The following ST18 variants were observed in gnomAD, a reference collection of about 807,000 sequenced individuals.
ST18 encodes ST18 C2H2C-type zinc finger transcription factor.
Under a neutral mutation model 110.0 loss-of-function variants are expected in ST18, and 50 were observed. The ratio of observed to expected loss-of-function variants is 0.45; its 90% CI spans 0.36 to 0.58. The LOEUF (loss-of-function observed/expected upper bound fraction) is 0.58, where lower values mean the gene tolerates loss of function less well. ST18 is among the 20% of genes least tolerant of loss of function. The pLI is 0.00. For missense variants in ST18, 1,306 were observed against 1,280.1 expected, an observed-to-expected ratio of 1.02 and a Z score of -0.31; for synonymous variants, 461 against 452.4, an observed-to-expected ratio of 1.02 and a Z score of -0.24.
At chr8:52,382,422 G>A (rs1343596973) in intron 2 of ST18, among the ~76,000 whole-genome samples, 1 of 152,212 alleles carries the variant, frequency 6.6e-6, no homozygotes, top group Non-Finnish European at 1.5e-5. Flanking sequence ...GTTAAGTGGT[G>A]GGATGTTCAG....
intron 8 of ST18, among the ~76,000 whole-genome samples, chr8:52,211,408 A>G (rs1201455013): frequency 6.8e-6 from 1 of 147,446 alleles, no homozygotes. Context: ...TATTATTATT[A>G]TTATTATTAT....
chr8:52,113,982 TTTTTG>T (rs1348276557), intron 25 of ST18, among the ~76,000 whole-genome samples: 2 of 101,856 alleles, frequency 2.0e-5, no homozygotes, highest in African/African-American at 8.8e-5. Context: ...TTTTTTTTTT[TTTTTG>T]GAGTCAGAGT....
chr8:52,203,492 T>C (rs1467343104), intron 8 of ST18, among the ~76,000 whole-genome samples: 1 of 152,154 alleles, frequency 6.6e-6, no homozygotes, highest in Admixed American at 6.5e-5. Context: ...GCACATGATA[T>C]TTGGATTGTA....
At chr8:52,189,832 C>G (rs1423421079) in intron 8 of ST18, among the ~76,000 whole-genome samples, 2 of 152,154 alleles carry the variant, frequency 1.3e-5, no homozygotes, top group African/African-American at 4.8e-5. Flanking sequence ...CTTCACAAAT[C>G]TTTCTCATGG....
At chr8:52,267,794 C>T (rs2094924402) in intron 2 of ST18, among the ~76,000 whole-genome samples, 1 of 152,200 alleles carries the variant, frequency 6.6e-6, no homozygotes, top group Non-Finnish European at 1.5e-5. Flanking sequence ...CCCATGGCTG[C>T]CAGGCTTGGT....
intron 2 of ST18, among the ~76,000 whole-genome samples, chr8:52,324,430 G>A (rs2139962850): frequency 6.6e-6 from 1 of 151,992 alleles, no homozygotes; most frequent in East Asian, 1.9e-4. Context: ...GGGGACTAAA[G>A]GAATGCTATG....
intron 15 of ST18, among the ~76,000 whole-genome samples, chr8:52,155,825 C>T (rs978433914): frequency 2.6e-5 from 4 of 152,158 alleles, no homozygotes; most frequent in African/African-American, 9.7e-5. Context: ...AGATTGCATA[C>T]AGCCAGTTAA....
intron 8 of ST18, among the ~76,000 whole-genome samples, chr8:52,188,122 T>C (rs2073090681): frequency 6.6e-6 from 1 of 152,222 alleles, no homozygotes; most frequent in Non-Finnish European, 1.5e-5. Context: ...AGTGTCTCTC[T>C]TCCTAGAGTT....
intron 5 of ST18, among the ~76,000 whole-genome samples, chr8:52,220,007 C>T (rs1471619434): frequency 6.6e-6 from 1 of 152,114 alleles, no homozygotes; most frequent in Non-Finnish European, 1.5e-5. Flanking sequence ...CCAATTTGTG[C>T]CAGGGATTTC....
chr8:52,239,649 T>C (rs950819764), intron 2 of ST18, among the ~76,000 whole-genome samples: 1 of 152,132 alleles, frequency 6.6e-6, no homozygotes, highest in Non-Finnish European at 1.5e-5. Flanking sequence ...AGAACAGACA[T>C]GTATCAGCTG....
intron 2 of ST18, among the ~76,000 whole-genome samples, chr8:52,391,287 G>A (rs932765412): frequency 5.9e-5 from 9 of 152,166 alleles, no homozygotes; most frequent in African/African-American, 2.2e-4. Flanking sequence ...AAAGCACTGT[G>A]CCAGACCAGA....
At chr8:52,369,835 C>T (rs1409824246) in intron 2 of ST18, among the ~76,000 whole-genome samples, 1 of 152,054 alleles carries the variant, frequency 6.6e-6, no homozygotes, top group East Asian at 1.9e-4. Context: ...AATTGCCATC[C>T]CTGCTTAAGG....
intron 17 of ST18, among the ~76,000 whole-genome samples, chr8:52,142,549 T>G (rs2055568229): frequency 6.6e-6 from 1 of 152,182 alleles, no homozygotes; most frequent in African/African-American, 2.4e-5. Context: ...CTTTAACCTC[T>G]TCTGGGCCTC....
At chr8:52,317,560 A>G (rs2096054736) in intron 2 of ST18, among the ~76,000 whole-genome samples, 1 of 152,188 alleles carries the variant, frequency 6.6e-6, no homozygotes, top group African/African-American at 2.4e-5. Flanking sequence ...GCCCTAGGAA[A>G]TTATTATATT....
At chr8:52,317,695 G>A (rs1241016460) in intron 2 of ST18, among the ~76,000 whole-genome samples, 2 of 152,030 alleles carry the variant, frequency 1.3e-5, no homozygotes, top group East Asian at 1.9e-4. Context: ...GTTTGTTTGT[G>A]TTTCAACTTT....
At chr8:52,230,831 CACCAACT>C (rs2091115328) in intron 2 of ST18, among the ~76,000 whole-genome samples, 1 of 151,798 alleles carries the variant, frequency 6.6e-6, no homozygotes, top group African/African-American at 2.4e-5. Context: ...TCACCAACTT[CACCAACT>C]CCACAGAAAG....
intron 2 of ST18, among the ~76,000 whole-genome samples, chr8:52,331,027 T>G (rs1809087442): frequency 6.6e-6 from 1 of 152,162 alleles, no homozygotes; most frequent in Non-Finnish European, 1.5e-5. Context: ...GTCCCCTGTG[T>G]GATTGGCTGC....
chr8:52,139,700 G>T (rs778226260), intron 17 of ST18, among the ~76,000 whole-genome samples: 2 of 148,392 alleles, frequency 1.3e-5, no homozygotes, highest in Non-Finnish European at 3.0e-5. Context: ...GCCAGGAGAA[G>T]CCAAGAAGTG....
intron 8 of ST18, among the ~76,000 whole-genome samples, chr8:52,187,021 T>G (rs9298471): frequency 0.21 from 31,607 of 152,062 alleles, 6,777 homozygotes; most frequent in African/African-American, 0.55. Flanking sequence ...TTGGATATGT[T>G]TTATACTTCA....
Sources: allele counts gnomAD v4.1 joint callset (sites outside exome capture counted in the v4.1 genomes callset), GRCh38; gene constraint gnomAD v4.1.1; transcripts MANE v1.5; gene names NCBI Gene and HGNC (gene_info 2026-07-23, HGNC 2026-07-21).